Variants in CADPS observed in about 807,000 individuals in gnomAD.
CADPS encodes the protein calcium dependent secretion activator.
CADPS carries 57 observed loss-of-function variants against 167.3 expected under a neutral mutation model. The ratio of observed to expected loss-of-function variants is 0.34; its 90% CI spans 0.28 to 0.42. The LOEUF is 0.42. Among genes scored for constraint, CADPS ranks in the 20% least tolerant of loss-of-function variants. The probability of loss-of-function intolerance (pLI) is 1.00; values close to 1 mark genes in which losing one functional copy is unlikely to be tolerated. For missense variants in CADPS, 1,414 were observed against 1,738.1 expected, an observed-to-expected ratio of 0.81 and a Z score of 3.32; for synonymous variants, 676 against 635.3, an observed-to-expected ratio of 1.06 and a Z score of -0.96.
intron 3 of CADPS, among the ~76,000 whole-genome samples, chr3:62,724,785 C>T (rs1006012873): frequency 2.0e-5 from 3 of 152,242 alleles, no homozygotes; most frequent in African/African-American, 7.2e-5. Flanking sequence ...ACGAAACCTT[C>T]AAAAGATAGC....
chr3:62,658,099 C>T (rs1227587756), intron 4 of CADPS, among the ~76,000 whole-genome samples: 4 of 152,152 alleles, frequency 2.6e-5, no homozygotes, highest in Admixed American at 2.6e-4. Flanking sequence ...CCTGGAGTAA[C>T]TTCCTGCCTT....
intron 27 of CADPS, chr3:62,440,745 A>T (rs1190664177): frequency 6.6e-6 from 1 of 152,070 alleles, no homozygotes; most frequent in East Asian, 1.9e-4. Flanking sequence ...GTTTGAAAAA[A>T]CTGTGCAGAT....
chr3:62,568,414 G>C (rs979767372), intron 9 of CADPS, among the ~76,000 whole-genome samples: 1 of 152,252 alleles, frequency 6.6e-6, no homozygotes, highest in African/African-American at 2.4e-5. Context: ...GGTGGGATAA[G>C]ACTGCTTGCC....
intron 7 of CADPS, 102 bp from the exon 8 acceptor site, chr3:62,585,426 C>T: frequency 8.2e-7 from 1 of 1,212,152 alleles, no homozygotes; most frequent in Non-Finnish European, 1.1e-6. Context: ...TGAACAATTC[C>T]CACTGTGGAG....
chr3:62,723,409 G>GTA (rs1329070662), intron 3 of CADPS, among the ~76,000 whole-genome samples: 12 of 152,130 alleles, frequency 7.9e-5, no homozygotes, highest in African/African-American at 2.2e-4. Context: ...AGAGGAAAAT[G>GTA]GACACAGTGT....
chr3:62,719,806 G>A (rs936672118), intron 3 of CADPS, among the ~76,000 whole-genome samples: 2 of 152,180 alleles, frequency 1.3e-5, no homozygotes, highest in Non-Finnish European at 2.9e-5. Flanking sequence ...TCCACCTTCT[G>A]GGAGCACGGT....
intron 24 of CADPS, among the ~76,000 whole-genome samples, chr3:62,473,484 A>T (rs958512591): frequency 6.6e-6 from 1 of 152,242 alleles, no homozygotes; most frequent in African/African-American, 2.4e-5. Context: ...TTAATTCTAA[A>T]TTGGTATATG....
chr3:62,473,054 G>C (rs1239484873), intron 24 of CADPS, among the ~76,000 whole-genome samples: 2 of 152,180 alleles, frequency 1.3e-5, no homozygotes, highest in African/African-American at 2.4e-5. Context: ...TGCTCTCTGG[G>C]TGAGTTTAAC....
intron 1 of CADPS, among the ~76,000 whole-genome samples, chr3:62,844,653 T>C (rs993361981): frequency 1.3e-5 from 2 of 152,176 alleles, no homozygotes; most frequent in African/African-American, 4.8e-5. Flanking sequence ...TGTGAACTAT[T>C]TGAAGACCAA....
chr3:62,411,880 A>G (rs1456823692), intron 28 of CADPS, among the ~76,000 whole-genome samples: 5 of 152,228 alleles, frequency 3.3e-5, no homozygotes, highest in Admixed American at 1.3e-4. Flanking sequence ...TGCGTTCAAG[A>G]ACCAGTATGC....
intron 9 of CADPS, among the ~76,000 whole-genome samples, chr3:62,558,208 G>C (rs2078516871): frequency 1.3e-5 from 2 of 152,220 alleles, no homozygotes; most frequent in Admixed American, 1.3e-4. Context: ...TCACAGTAGA[G>C]CAATCCTCAG....
chr3:62,688,197 T>G (rs893035862), intron 3 of CADPS, among the ~76,000 whole-genome samples: 2 of 152,024 alleles, frequency 1.3e-5, no homozygotes, highest in Admixed American at 6.6e-5. Flanking sequence ...AGCAGCCTAC[T>G]TGGCCACTAC....
chr3:62,590,485 C>A (rs2085708496), intron 7 of CADPS, among the ~76,000 whole-genome samples: 1 of 152,188 alleles, frequency 6.6e-6, no homozygotes, highest in Non-Finnish European at 1.5e-5. Flanking sequence ...CTTTCATCAT[C>A]CCCTTTCCTC....
At chr3:62,539,647 G>A (rs2075356012) in intron 11 of CADPS, among the ~76,000 whole-genome samples, 2 of 151,976 alleles carry the variant, frequency 1.3e-5, no homozygotes, top group African/African-American at 4.8e-5. Context: ...TACATTCCCA[G>A]CCCTAGAATA....
chr3:62,730,774 C>T (rs146379201), intron 3 of CADPS, among the ~76,000 whole-genome samples: 91 of 152,322 alleles, frequency 6.0e-4, no homozygotes, highest in Middle Eastern at 3.4e-3. Context: ...ACTTTCCTGA[C>T]GTCTTCTGGC....
chr3:62,787,517 C>T (rs2152709006), intron 1 of CADPS, among the ~76,000 whole-genome samples: 1 of 152,092 alleles, frequency 6.6e-6, no homozygotes, highest in South Asian at 2.1e-4. Context: ...TATGACTCGC[C>T]CTTTTAAATG....
intron 1 of CADPS, among the ~76,000 whole-genome samples, chr3:62,784,751 C>G: frequency 6.4e-5 from 2 of 31,084 alleles, no homozygotes; most frequent in East Asian, 2.8e-3. Flanking sequence ...GTAAAGAATG[C>G]AAGCAAAAAC....
At chr3:62,457,942 A>T (rs1356234789) in intron 26 of CADPS, among the ~76,000 whole-genome samples, 1 of 151,386 alleles carries the variant, frequency 6.6e-6, no homozygotes, top group Non-Finnish European at 1.5e-5. Flanking sequence ...AGGGTGGGGG[A>T]CTAGGGGAGG....
rs145448967 is a variant in CADPS at position 62,837,345 on chromosome 3, A to G, written c.441+37244T>C. Among the ~76,000 whole-genome samples, 355 of 152,252 alleles carry G rather than the reference A, an allele frequency of 2.3e-3. 4 individuals are homozygous for G. Among genetic ancestry groups the G allele is most frequent in the African/African-American group, 8.2e-3 (340 of 41,548 alleles). ...TCATCTTACACTGCTCAGTTCCCCA[A>G]CCCGCATGGAGAACACCCTTTGCTC... is the stretch of plus-strand genomic sequence containing the variant. On this transcript the variant is annotated intron_variant, in intron 1 of 29. Transcript: ENST00000383710.
Sources: gnomAD v4.1 joint callset for allele counts (sites outside exome capture counted in the v4.1 genomes callset) on GRCh38, gnomAD v4.1.1 for gene constraint, MANE v1.5 for transcripts, NCBI Gene and HGNC (gene_info 2026-07-23, HGNC 2026-07-21) for gene names.